CHD9: variants seen among roughly 807,000 people sequenced by gnomAD.
CHD9 encodes ATP-dependent chromatin remodeler CHD9.
Under a neutral mutation model 316.1 loss-of-function variants are expected in CHD9, and 77 were observed. That is an observed-to-expected ratio of 0.24 (90% CI 0.20 to 0.29). The LOEUF (loss-of-function observed/expected upper bound fraction) is 0.29, where lower values mean the gene tolerates loss of function less well. CHD9 is among the 10% of genes least tolerant of loss of function. The pLI, the probability that CHD9 is intolerant of heterozygous loss-of-function variation, is 1.00. For missense variants in CHD9, 2,763 were observed against 3,438.1 expected, an observed-to-expected ratio of 0.80 and a Z score of 4.91; for synonymous variants, 1,129 against 1,158.3, an observed-to-expected ratio of 0.97 and a Z score of 0.51.
intron 19 of CHD9, among the ~76,000 whole-genome samples, chr16:53,258,421 G>T (rs1479775684): frequency 1.3e-5 from 2 of 152,052 alleles, no homozygotes; most frequent in African/African-American, 4.8e-5. Context: ...AGAGTTGAGA[G>T]GTTGCTCTAG....
intron 17 of CHD9, among the ~76,000 whole-genome samples, chr16:53,251,453 C>G (rs1371315905): frequency 6.6e-6 from 1 of 152,126 alleles, no homozygotes; most frequent in Non-Finnish European, 1.5e-5. Context: ...TTGTTACAGA[C>G]TAAGATAATA....
At chr16:53,081,631 A>G (rs1233969563) in intron 1 of CHD9, among the ~76,000 whole-genome samples, 1 of 152,182 alleles carries the variant, frequency 6.6e-6, no homozygotes, top group African/African-American at 2.4e-5. Context: ...CCTGTTGCCC[A>G]GGCTAGAGTG....
At chr16:53,234,620 T>A (rs1271216708) in intron 10 of CHD9, among the ~76,000 whole-genome samples, 1 of 152,164 alleles carries the variant, frequency 6.6e-6, no homozygotes, top group African/African-American at 2.4e-5. Flanking sequence ...TATGTTTTTT[T>A]AAATAGAGAT....
chr16:53,221,820 G>A (rs2047261031), intron 3 of CHD9, among the ~76,000 whole-genome samples: 1 of 152,084 alleles, frequency 6.6e-6, no homozygotes, highest in African/African-American at 2.4e-5. Flanking sequence ...TTAAGTAATT[G>A]TCTTTCTACT....
chr16:53,255,867 T>G, intron 19 of CHD9, 88 bp downstream of exon 19: 2 of 1,228,270 alleles, frequency 1.6e-6, no homozygotes, highest in East Asian at 2.3e-5. Flanking sequence ...TACCGAATGT[T>G]TAAACATACT....
intron 2 of CHD9, among the ~76,000 whole-genome samples, chr16:53,167,861 A>T (rs748373351): frequency 3.3e-5 from 5 of 151,998 alleles, no homozygotes; most frequent in Non-Finnish European, 5.9e-5. Context: ...CTTTTATGAG[A>T]TTTTTGTTAA....
At chr16:53,299,587 TG>T in intron 30 of CHD9, 3 of 410,008 alleles carry the variant, frequency 7.3e-6, no homozygotes, top group South Asian at 2.1e-5. Context: ...CTCCAAAAGC[TG>T]GAGATGATTG....
intron 2 of CHD9, among the ~76,000 whole-genome samples, chr16:53,185,915 C>T (rs1234622677): frequency 1.3e-5 from 2 of 152,200 alleles, no homozygotes; most frequent in Non-Finnish European, 2.9e-5. Flanking sequence ...TTAGAAGATA[C>T]ATGGAAAGGC....
intron 12 of CHD9, 40 bp from the exon 13 acceptor site, chr16:53,242,800 T>G: frequency 6.4e-7 from 1 of 1,556,260 alleles, no homozygotes; most frequent in Non-Finnish European, 8.8e-7. Flanking sequence ...AATATGCAAT[T>G]AAAATATTCC....
chr16:53,086,860 A>T (rs760168214), intron 1 of CHD9, among the ~76,000 whole-genome samples: 2 of 152,108 alleles, frequency 1.3e-5, no homozygotes, highest in Non-Finnish European at 2.9e-5. Context: ...GCAAATCCCA[A>T]ATATTCTATT....
At chr16:53,181,366 G>C (rs11863925) in intron 2 of CHD9, among the ~76,000 whole-genome samples, 42,277 of 151,816 alleles carry the variant, frequency 0.28, 5,978 homozygotes, top group Middle Eastern at 0.32. Flanking sequence ...TTGAAGGTGA[G>C]AATAAGTGAA....
chr16:53,303,776 A>G lies in CHD9; in HGVS notation c.5770A>G (p.Thr1924Ala). The stretch of plus-strand genomic sequence containing the variant: ...CATCACAGAAGAACGTGCTTCTAGG[A>G]CTTTGTATCGCATTGAACTTCTAAG... ...QPITEERASR[T>A]LYRIELLRKV... Residue 1924 changes from threonine to alanine, a missense_variant, in exon 31 of 39, where the codon ACT (threonine) becomes GCT (alanine). Physicochemically the swap from Thr to Ala is moderately conservative, Grantham distance 58 (BLOSUM62 0). This residue lies in a region of CHD9 where 663 missense variants were observed against 751.2 expected (regional missense o/e 0.88). Coordinates refer to ENST00000447540, the MANE Select transcript of CHD9 (RefSeq NM_001308319.2). 1 of 1,614,010 alleles carries G rather than the reference A, an allele frequency of 6.2e-7. No homozygotes were observed. Among genetic ancestry groups the G allele is most frequent in the Non-Finnish European group, 8.5e-7 (1 of 1,179,880 alleles).
chr16:53,252,521 G>A lies in CHD9; in HGVS notation c.3862-1917G>A, dbSNP rs113472083. On this transcript the variant is annotated intron_variant, in intron 17 of 38. Transcript: ENST00000447540. ...AGATTTCATGACTAAGGACCCAAAAGCAATTGCAGTAAAAACAAAGATAAA... is the reference window on the plus strand; with the variant it reads ...AGATTTCATGACTAAGGACCCAAAAACAATTGCAGTAAAAACAAAGATAAA... Among the ~76,000 whole-genome samples, 859 of 152,218 alleles carry A rather than the reference G, an allele frequency of 5.6e-3. 4 individuals are homozygous for A. Among genetic ancestry groups the A allele is most frequent in the Non-Finnish European group, 0.01 (689 of 68,004 alleles).
intron 2 of CHD9, among the ~76,000 whole-genome samples, chr16:53,169,789 T>C (rs768226031): frequency 6.6e-6 from 1 of 152,170 alleles, no homozygotes; most frequent in Non-Finnish European, 1.5e-5. Flanking sequence ...CATTATATAC[T>C]ATATAGTCCA....
intron 22 of CHD9, among the ~76,000 whole-genome samples, chr16:53,271,366 C>T (rs2052242877): frequency 6.6e-6 from 1 of 151,986 alleles, no homozygotes; most frequent in Non-Finnish European, 1.5e-5. Flanking sequence ...GTCAAGAGTT[C>T]AAGACCAGCC....
At chr16:53,213,248 G>C (rs904827810) in intron 3 of CHD9, among the ~76,000 whole-genome samples, 5 of 152,214 alleles carry the variant, frequency 3.3e-5, no homozygotes, top group African/African-American at 9.6e-5. Context: ...GGAGTTGCTT[G>C]TGGCTATGTG....
chr16:53,182,934 C>T (rs771674755), intron 2 of CHD9, among the ~76,000 whole-genome samples: 4 of 151,990 alleles, frequency 2.6e-5, no homozygotes, highest in East Asian at 1.9e-4. Context: ...TGTGAATATA[C>T]GAATGCATAT....
At chr16:53,224,572 T>C (rs2047494340) in intron 4 of CHD9, among the ~76,000 whole-genome samples, 1 of 152,164 alleles carries the variant, frequency 6.6e-6, no homozygotes, top group East Asian at 1.9e-4. Flanking sequence ...CATTTACTAT[T>C]TACTAAAAAC....
In CHD9 at chr16:53,157,551, TCTTTG is replaced by T; in HGVS notation, c.1452+15_1452+19del. On this transcript the variant is annotated intron_variant, in intron 2 of 38. Transcript: ENST00000447540. ...ATGTTTACAGCGACAGGTATGTAGC[TCTTTG>T]CTTTTATTTTGGAGATTTGGGGGTA... 1 of 1,590,630 alleles carries T rather than the reference TCTTTG, an allele frequency of 6.3e-7. No homozygotes were observed. The highest frequency in any genetic ancestry group is 8.6e-7 in the Non-Finnish European group (1 of 1,166,134).
Sources: allele counts gnomAD v4.1 joint callset (sites outside exome capture counted in the v4.1 genomes callset), GRCh38; gene constraint gnomAD v4.1.1; regional missense constraint gnomAD v4.1.1; transcripts MANE v1.5; gene names NCBI Gene and HGNC (gene_info 2026-07-23, HGNC 2026-07-21).